TK2: variants seen among roughly 807,000 people sequenced by gnomAD.
TK2 encodes thymidine kinase 2, also known as thymidine kinase 2, mitochondrial.
A neutral mutation model predicts 41.9 loss-of-function variants in TK2; 35 were observed. The ratio of observed to expected loss-of-function variants is 0.84; its 90% CI spans 0.64 to 1.11. TK2 has a LOEUF of 1.11. Ranked by LOEUF, TK2 falls within the 50% of genes least tolerant of loss-of-function variation. TK2 has a pLI of 0.00. For missense variants in TK2, 320 were observed against 351.1 expected (o/e 0.91, Z 0.71); for synonymous variants, 128 against 129.1 (o/e 0.99, Z 0.06).
chr16:66,517,078 G>A lies in TK2; in HGVS notation c.618+58C>T, dbSNP rs1964637600. 7 of 1,488,810 alleles carry A rather than the reference G, an allele frequency of 4.7e-6. No individual in the cohort carries two copies. Among genetic ancestry groups the A allele is most frequent in the Admixed American group, 3.3e-5 (2 of 59,824 alleles). The allele number at this position is 1,488,810 out of a possible 1,614,324, so 92.2% of individuals were successfully genotyped here. A position where few individuals can be genotyped will look rare whatever the true frequency, so the allele number is the denominator to read the frequency against. ...GGGGGTGGGGCCGGGAGAGGAAGCC[G>A]GGTTGGACAGAGGTGGTTTCCCAGT... On this transcript the variant is annotated intron_variant, in intron 8 of 9. Transcript: ENST00000544898. The surrounding 1 kb of genome is among the most constrained non-coding windows in gnomAD (Gnocchi z 4.3).
chr16:66,535,304 A>C (rs1965242241), intron 4 of TK2, among the ~76,000 whole-genome samples: 1 of 152,208 alleles, frequency 6.6e-6, no homozygotes, highest in Non-Finnish European at 1.5e-5. Flanking sequence ...ATCTGTACCA[A>C]GGACACTAAG....
intron 6 of TK2, among the ~76,000 whole-genome samples, chr16:66,527,226 CA>C (rs1427818819): frequency 6.6e-6 from 1 of 152,198 alleles, no homozygotes; most frequent in African/African-American, 2.4e-5. Context: ...AGTCTGAGGC[CA>C]GGGGGCAAAG....
At chr16:66,550,155 C>T (rs773089985), upstream of TK2, 3 of 1,612,536 alleles carry the variant, frequency 1.9e-6, no homozygotes, top group Admixed American at 3.3e-5. Context: ...GCCTGGATCC[C>T]GGCGCCTGGC....
At chr16:66,531,308 T>G in intron 5 of TK2, 72 bp downstream of exon 5, 1 of 1,478,536 alleles carries the variant, frequency 6.8e-7, no homozygotes, top group Non-Finnish European at 9.4e-7. Flanking sequence ...AAAGTTTCCC[T>G]TCCTGGCAAT....
At chr16:66,550,222 G>A (rs749429254), upstream of TK2, 5 of 1,609,766 alleles carry the variant, frequency 3.1e-6, no homozygotes, top group Non-Finnish European at 3.4e-6. Flanking sequence ...CTCGAAGGGA[G>A]AGGTTCGCCG....
chr16:66,536,202 C>CAAAAAAAAAAA (rs35291905), intron 4 of TK2, among the ~76,000 whole-genome samples: 1 of 83,148 alleles, frequency 1.2e-5, no homozygotes, highest in Non-Finnish European at 2.5e-5. Context: ...GACTCCATCT[C>CAAAAAAAAAAA]AAAAAAAAAA....
At position 66,514,623 on chromosome 16, in the gene TK2, G is replaced by A. The variant is rs1964555036; in HGVS notation, c.619-812C>T. 6.6e-6 allele frequency among the ~76,000 whole-genome samples: 1 copy of A among 152,008 alleles called. No homozygotes were observed. Among genetic ancestry groups the A allele is most frequent in the Admixed American group, 6.6e-5 (1 of 15,266 alleles). On this transcript the variant is annotated intron_variant, in intron 8 of 9. Transcript: ENST00000544898. This position sits in a 1 kb window ranked among gnomAD's most constrained non-coding sequence, Gnocchi z 4.2. ...ACCCCTCTGCCCGGCCGCTCAGTCT[G>A]GGAAGTGAGGAGCCCCTCTGCCCGG...
intron 3 of TK2, among the ~76,000 whole-genome samples, chr16:66,537,259 A>G (rs532480810): frequency 5.9e-5 from 9 of 152,256 alleles, no homozygotes; most frequent in African/African-American, 7.2e-5. Context: ...ATGTTACCCA[A>G]TGTGCCAAGC....
At chr16:66,541,381 T>C (rs746824926) in intron 3 of TK2, among the ~76,000 whole-genome samples, 1 of 152,148 alleles carries the variant, frequency 6.6e-6, no homozygotes, top group African/African-American at 2.4e-5. Context: ...ATGATCACAT[T>C]TGGCATATGT....
intron 8 of TK2, among the ~76,000 whole-genome samples, chr16:66,515,720 G>A (rs1005929596): frequency 1.3e-5 from 2 of 152,174 alleles, no homozygotes; most frequent in Admixed American, 6.5e-5. Flanking sequence ...GCTGCTGTGC[G>A]CATCACAGCA....
intron 1 of TK2, 45 bp downstream of exon 1, chr16:66,549,893 G>T: frequency 7.6e-7 from 1 of 1,318,506 alleles, no homozygotes; most frequent in South Asian, 2.4e-5. Flanking sequence ...GGGAGTAGGT[G>T]GGCGCATAGG....
intron 4 of TK2, among the ~76,000 whole-genome samples, chr16:66,531,886 T>A (rs1447424830): frequency 1.3e-5 from 2 of 152,026 alleles, no homozygotes; most frequent in Non-Finnish European, 2.9e-5. Flanking sequence ...TCACTTTAAG[T>A]GGATATTTAT....
intron 4 of TK2, among the ~76,000 whole-genome samples, chr16:66,533,262 G>A (rs894826158): frequency 8.0e-5 from 12 of 149,200 alleles, no homozygotes; most frequent in Non-Finnish European, 1.0e-4. Flanking sequence ...TAGTAGAGAC[G>A]GGGTTTCACC....
chr16:66,513,050 C>T (rs1458445538), intron 9 of TK2, among the ~76,000 whole-genome samples: 2 of 152,104 alleles, frequency 1.3e-5, no homozygotes, highest in African/African-American at 4.8e-5. Flanking sequence ...TCGGAGGGAC[C>T]CCAGACTCCG....
At position 66,549,041 on chromosome 16, in the gene TK2, C is replaced by T. The variant is rs756306191; in HGVS notation, c.125-32G>A. 69 of 1,612,780 alleles carry T rather than the reference C, an allele frequency of 4.3e-5. 1 individual carries two copies. The East Asian group carries it at 1.5e-3, about 35-fold the overall frequency. ...AAGAAAGGAAATCAGTTTTTAAACT[C>T]ACTTTTAAATAACTCTCCTCTGCCC... On this transcript the variant is annotated intron_variant, in intron 1 of 9. Transcript: ENST00000544898.
At chr16:66,521,260 G>T (rs887317571) in intron 6 of TK2, among the ~76,000 whole-genome samples, 1 of 152,182 alleles carries the variant, frequency 6.6e-6, no homozygotes, top group African/African-American at 2.4e-5. Flanking sequence ...CATGGGGAGG[G>T]GGTCACACCT....
intron 1 of TK2, 190 bp downstream of exon 1, chr16:66,549,748 C>T: frequency 7.8e-7 from 1 of 1,279,016 alleles, no homozygotes; most frequent in Non-Finnish European, 9.8e-7. Flanking sequence ...AAGCCGAGCG[C>T]CCCCAGCGCT....
chr16:66,547,876 G>A (rs1965656665), intron 2 of TK2: 6 of 1,241,718 alleles, frequency 4.8e-6, no homozygotes, highest in Non-Finnish European at 6.2e-6. Context: ...GTGTCTGGGG[G>A]CACATCAAAC....
chr16:66,536,241 C>T (rs554784525), intron 4 of TK2, among the ~76,000 whole-genome samples: 1 of 151,918 alleles, frequency 6.6e-6, no homozygotes, highest in African/African-American at 2.4e-5. Flanking sequence ...GCACAGGCTT[C>T]CAAGTCCATT....
Sources: allele counts gnomAD v4.1 joint callset (sites outside exome capture counted in the v4.1 genomes callset), GRCh38; gene constraint gnomAD v4.1.1; non-coding constraint Gnocchi (gnomAD v3.1); transcripts MANE v1.5; gene names NCBI Gene and HGNC (gene_info 2026-07-23, HGNC 2026-07-21).